BAZ2B: variants seen among roughly 807,000 people sequenced by gnomAD.
BAZ2B encodes the protein bromodomain adjacent to zinc finger domain protein 2B.
In BAZ2B, 91 loss-of-function variants were observed where a neutral mutation model predicts 246.0. That is an observed-to-expected ratio of 0.37 (90% CI 0.31 to 0.44). The LOEUF is 0.44. Ranked by LOEUF, BAZ2B falls within the 20% of genes least tolerant of loss-of-function variation. The pLI is 1.00. For missense variants in BAZ2B, 2,332 were observed against 2,533.7 expected (o/e 0.92, Z 1.71); for synonymous variants, 855 against 860.0 (o/e 0.99, Z 0.10).
the BAZ2B span, among the ~76,000 whole-genome samples, chr2:159,683,846 C>T: frequency 3.3e-5 from 5 of 152,196 alleles, no homozygotes; most frequent in Admixed American, 3.3e-4. Context: ...TAATCCAAGA[C>T]AACTGCCCCA....
At chr2:159,418,367 G>A (rs2068127728) in intron 13 of BAZ2B, among the ~76,000 whole-genome samples, 1 of 152,070 alleles carries the variant, frequency 6.6e-6, no homozygotes, top group Admixed American at 6.6e-5. Context: ...CCAAAGGATA[G>A]GTGAACCCTT....
At chr2:159,686,320 TC>T in the BAZ2B span, among the ~76,000 whole-genome samples, 1 of 152,182 alleles carries the variant, frequency 6.6e-6, no homozygotes, top group Non-Finnish European at 1.5e-5. Flanking sequence ...AAGGTTTACC[TC>T]ACCAGAGAGA....
chr2:159,417,725 A>T (rs1320677522), intron 13 of BAZ2B, among the ~76,000 whole-genome samples: 1 of 152,160 alleles, frequency 6.6e-6, no homozygotes, highest in Non-Finnish European at 1.5e-5. Flanking sequence ...AGGCACCTTT[A>T]CTCTGAGCAA....
chr2:159,429,529 C>T (rs1362043954), intron 10 of BAZ2B, among the ~76,000 whole-genome samples: 2 of 151,994 alleles, frequency 1.3e-5, no homozygotes, highest in Non-Finnish European at 2.9e-5. Flanking sequence ...CCTTTCCTCT[C>T]ATTTTATTAT....
chr2:159,332,706 A>G lies in BAZ2B; in HGVS notation c.5797-20T>C. ...GCAGTACTATAATACATGAAAAATC[A>G]TTTAAAATTAACGCTCTGCCATGAA... is the stretch of plus-strand genomic sequence containing the variant. On this transcript the variant is annotated intron_variant, in intron 33 of 36. Coordinates refer to ENST00000392783, the MANE Select transcript of BAZ2B (RefSeq NM_013450.4). 1 of 1,611,574 alleles carries G rather than the reference A, an allele frequency of 6.2e-7. No individual in the cohort carries two copies. Among genetic ancestry groups the G allele is most frequent in the South Asian group, 1.1e-5 (1 of 90,634 alleles).
chr2:159,408,506 T>G (rs915102469), intron 14 of BAZ2B, among the ~76,000 whole-genome samples: 8 of 152,170 alleles, frequency 5.3e-5, no homozygotes, highest in African/African-American at 1.9e-4. Flanking sequence ...CCAAAAAAAT[T>G]TAAAAGTTCA....
intron 2 of BAZ2B, among the ~76,000 whole-genome samples, chr2:159,553,629 G>A (rs2088663295): frequency 6.6e-6 from 1 of 151,596 alleles, no homozygotes; most frequent in Admixed American, 6.6e-5. Flanking sequence ...CAGGAAGAAG[G>A]GAGATCAGTT....
chr2:159,622,440 A>G, the BAZ2B span, among the ~76,000 whole-genome samples: 3 of 152,198 alleles, frequency 2.0e-5, no homozygotes, highest in Admixed American at 6.5e-5. Context: ...GGATTCCCCA[A>G]TAATTAGAGC....
chr2:159,620,596 G>C (rs1696392243), upstream of BAZ2B, among the ~76,000 whole-genome samples: 1 of 152,140 alleles, frequency 6.6e-6, no homozygotes, highest in Non-Finnish European at 1.5e-5. Context: ...CAAATACTGA[G>C]AGCTTACCAG....
intron 36 of BAZ2B, among the ~76,000 whole-genome samples, chr2:159,322,785 G>T (rs961824170): frequency 1.3e-5 from 2 of 152,118 alleles, no homozygotes; most frequent in African/African-American, 4.8e-5. Flanking sequence ...AATATGGTTT[G>T]TGAGTTTTGG....
At chr2:159,376,406 A>C (rs772056374) in intron 25 of BAZ2B, among the ~76,000 whole-genome samples, 2 of 152,160 alleles carry the variant, frequency 1.3e-5, no homozygotes, top group African/African-American at 4.8e-5. Context: ...CAATGAAAAA[A>C]AAAGTGAAAA....
the BAZ2B span, among the ~76,000 whole-genome samples, chr2:159,631,678 A>G: frequency 6.6e-6 from 1 of 152,230 alleles, no homozygotes; most frequent in Admixed American, 6.5e-5. Context: ...ATAGAAACAT[A>G]ACAAATGTGT....
At chr2:159,654,991 G>A in the BAZ2B span, among the ~76,000 whole-genome samples, 1 of 152,154 alleles carries the variant, frequency 6.6e-6, no homozygotes, top group African/African-American at 2.4e-5. Flanking sequence ...TATTTTTCAT[G>A]TGCTTGGTTA....
At chr2:159,648,816 T>G in the BAZ2B span, among the ~76,000 whole-genome samples, 4 of 152,178 alleles carry the variant, frequency 2.6e-5, no homozygotes, top group African/African-American at 7.2e-5. Flanking sequence ...TGTCATTACA[T>G]CTCCTGGGTA....
At chr2:159,562,130 A>G (rs2089936873) in intron 1 of BAZ2B, among the ~76,000 whole-genome samples, 1 of 152,224 alleles carries the variant, frequency 6.6e-6, no homozygotes, top group African/African-American at 2.4e-5. Flanking sequence ...CTTTCTGGAA[A>G]AATTGGCATT....
At chr2:159,667,311 T>G in the BAZ2B span, among the ~76,000 whole-genome samples, 4 of 151,958 alleles carry the variant, frequency 2.6e-5, no homozygotes, top group Non-Finnish European at 5.9e-5. Context: ...GAAAGGACTC[T>G]CCAGCCAGAC....
chr2:159,487,645 A>T (rs189609679), intron 2 of BAZ2B, among the ~76,000 whole-genome samples: 2 of 152,148 alleles, frequency 1.3e-5, no homozygotes, highest in Non-Finnish European at 2.9e-5. Context: ...TCAATCACCT[A>T]CTTGGGGAGG....
rs2060676292 is a variant in BAZ2B, at chr2:159,370,222, T to C, written c.4213+2823A>G. 2.0e-5 allele frequency among the ~76,000 whole-genome samples: 3 copies of C among 151,962 alleles called. No individual in the cohort carries two copies. In the South Asian group the frequency reaches 6.2e-4, roughly 32 times the overall value. On this transcript the variant is annotated intron_variant, in intron 27 of 36. Coordinates refer to ENST00000392783, the MANE Select transcript of BAZ2B (RefSeq NM_013450.4). ...CATTAGGAGATATACCTAATGTAAA[T>C]GATGAGTTAATGGGTGCAGCACACC... is the stretch of plus-strand genomic sequence containing the variant.
the BAZ2B span, among the ~76,000 whole-genome samples, chr2:159,631,175 A>ATTT: frequency 6.6e-6 from 1 of 152,178 alleles, no homozygotes; most frequent in African/African-American, 2.4e-5. Flanking sequence ...CAGCCTGGGC[A>ATTT]ACAAAGCAAG....
Sources: allele counts gnomAD v4.1 joint callset (sites outside exome capture counted in the v4.1 genomes callset), GRCh38; gene constraint gnomAD v4.1.1; transcripts MANE v1.5; gene names NCBI Gene and HGNC (gene_info 2026-07-23, HGNC 2026-07-21).